The following RFX4 variants were observed in gnomAD, a reference collection of about 807,000 sequenced individuals.
RFX4 encodes the protein regulatory factor X4, also known as transcription factor RFX4.
A neutral mutation model predicts 95.0 loss-of-function variants in RFX4; 10 were observed. That is an observed-to-expected ratio of 0.11 (90% CI 0.06 to 0.18). RFX4 has a LOEUF of 0.18. Among genes scored for constraint, RFX4 ranks in the 10% least tolerant of loss-of-function variants. The pLI, the probability that RFX4 is intolerant of heterozygous loss-of-function variation, is 1.00. For missense variants in RFX4, 640 were observed against 922.0 expected, an observed-to-expected ratio of 0.69 and a Z score of 3.96; for synonymous variants, 321 against 340.7, an observed-to-expected ratio of 0.94 and a Z score of 0.64.
chr12:106,640,842 G>T (rs58874707), intron 3 of RFX4, among the ~76,000 whole-genome samples: 7,596 of 149,518 alleles, frequency 0.051, 363 homozygotes, highest in African/African-American at 0.13. Context: ...GTGCTGTGGC[G>T]TGATTTTGGC....
intron 2 of RFX4, among the ~76,000 whole-genome samples, chr12:106,624,943 T>C (rs1179983672): frequency 6.6e-6 from 1 of 152,156 alleles, no homozygotes; most frequent in East Asian, 1.9e-4. Context: ...TTCAGAGAAG[T>C]CAAGATTCTA....
At chr12:106,626,486 CCACAT>C (rs1431636774) in intron 2 of RFX4, among the ~76,000 whole-genome samples, 6 of 152,144 alleles carry the variant, frequency 3.9e-5, no homozygotes, top group African/African-American at 7.2e-5. Flanking sequence ...TGAGTTTGGG[CCACAT>C]CACTGAGGGA....
chr12:106,711,370 CT>C, intron 9 of RFX4, 82 bp from the exon 10 acceptor site: 1 of 1,316,430 alleles, frequency 7.6e-7, no homozygotes, highest in Non-Finnish European at 1.1e-6. Context: ...AAGCAGGCTA[CT>C]TTTTGAAATG....
At chr12:106,589,602 G>C (rs781359744) in intron 1 of RFX4, among the ~76,000 whole-genome samples, 2 of 152,198 alleles carry the variant, frequency 1.3e-5, no homozygotes, top group Non-Finnish European at 2.9e-5. Context: ...GAGCTAGATT[G>C]GAGAGCAGAC....
intron 3 of RFX4, 30 bp from the exon 4 acceptor site, chr12:106,654,198 T>C: frequency 6.2e-7 from 1 of 1,613,580 alleles, no homozygotes; most frequent in Non-Finnish European, 8.5e-7. Context: ...GGTAACACAT[T>C]TTTTGCTCAT....
chr12:106,725,419 T>A (rs970923065), intron 13 of RFX4, among the ~76,000 whole-genome samples: 1 of 152,212 alleles, frequency 6.6e-6, no homozygotes, highest in Non-Finnish European at 1.5e-5. Flanking sequence ...GAATGTAATT[T>A]AAAAACTAAA....
At position 106,586,885 on chromosome 12, in the gene RFX4, ACTGT is replaced by A. The variant is rs2039465534; in HGVS notation, c.43+3526_43+3529del. Among the ~76,000 whole-genome samples the A allele has an allele frequency of 6.6e-6, 1 of 152,192 alleles. No homozygotes were observed. The highest frequency in any genetic ancestry group is 2.4e-5 in the African/African-American group (1 of 41,448). On this transcript the variant is annotated intron_variant, in intron 1 of 17. Coordinates refer to ENST00000392842, the MANE Select transcript of RFX4 (RefSeq NM_213594.3). The surrounding 1 kb of genome is among the most constrained non-coding windows in gnomAD (Gnocchi z 5.6). ...CAGGCACAGCCCTGGGGAAGGAGCC[ACTGT>A]CTGCGGGCTTGGGAGAGCAAGGAGC...
chr12:106,750,775 C>T lies in RFX4; in HGVS notation c.1917C>T (p.Tyr639=). The T allele has an allele frequency of 6.2e-7, 1 of 1,601,402 alleles. No homozygotes were observed. Among genetic ancestry groups the T allele is most frequent in the Middle Eastern group, 1.7e-4 (1 of 6,008 alleles). Residue 639 remains tyrosine, a synonymous_variant, in exon 17 of 18, where the codon TAC becomes TAT. Transcript: ENST00000392842. Reference sequence around the variant, plus strand: ...CTGGGCCACTCCACTATGCCCCTTACCACAGGAGCTCTGCACAGGTGAGTC... The same window carrying T: ...CTGGGCCACTCCACTATGCCCCTTATCACAGGAGCTCTGCACAGGTGAGTC... ...AISGPLHYAP[Y]HRSSAQYPFN...
chr12:106,583,629 G>T, intron 1 of RFX4: 1 of 350,902 alleles, frequency 2.8e-6, no homozygotes, highest in Non-Finnish European at 5.1e-6. Flanking sequence ...CGCTTGCCCT[G>T]GACACAAAGT....
intron 2 of RFX4, among the ~76,000 whole-genome samples, chr12:106,627,892 G>T (rs779936721): frequency 3.8e-4 from 58 of 152,200 alleles, no homozygotes; most frequent in Admixed American, 5.9e-4. Flanking sequence ...ATAGCAGAAA[G>T]GCGTTCAGGC....
At chr12:106,605,300 T>A (rs2039804888) in intron 1 of RFX4, among the ~76,000 whole-genome samples, 1 of 152,208 alleles carries the variant, frequency 6.6e-6, no homozygotes, top group Non-Finnish European at 1.5e-5. Context: ...TTAAGAATAA[T>A]TTTAAAGTAT....
intron 7 of RFX4, among the ~76,000 whole-genome samples, chr12:106,690,091 C>T (rs2137430721): frequency 6.6e-6 from 1 of 152,166 alleles, no homozygotes; most frequent in Non-Finnish European, 1.5e-5. Flanking sequence ...GAAGGGGGTG[C>T]TGTTGTAGGT....
intron 1 of RFX4, chr12:106,601,237 G>A: frequency 1.9e-6 from 3 of 1,557,454 alleles, no homozygotes; most frequent in Non-Finnish European, 2.6e-6. Flanking sequence ...ACTGCCACCG[G>A]CAGGGAGCCA....
chr12:106,657,845 T>C (rs2040990752), intron 4 of RFX4, among the ~76,000 whole-genome samples: 1 of 152,150 alleles, frequency 6.6e-6, no homozygotes, highest in African/African-American at 2.4e-5. Flanking sequence ...CTTTATAGCA[T>C]TTATCATGAC....
intron 4 of RFX4, among the ~76,000 whole-genome samples, chr12:106,657,184 C>A (rs536299501): frequency 6.6e-6 from 1 of 152,236 alleles, no homozygotes; most frequent in Non-Finnish European, 1.5e-5. Flanking sequence ...GAGATGAAAT[C>A]GTGGACAGTC....
intron 15 of RFX4, among the ~76,000 whole-genome samples, chr12:106,742,190 ATTG>A (rs1012412868): frequency 6.6e-6 from 1 of 151,930 alleles, no homozygotes; most frequent in Non-Finnish European, 1.5e-5. Context: ...TGTTGTTGTT[ATTG>A]TTGTTGTTTT....
intron 4 of RFX4, among the ~76,000 whole-genome samples, chr12:106,667,199 T>G (rs1026021627): frequency 3.9e-5 from 6 of 152,178 alleles, no homozygotes; most frequent in Admixed American, 6.5e-5. Context: ...ATATTTCCCT[T>G]CTTTCACATG....
Position 106,754,402 on chromosome 12 carries a change from A to T in RFX4, c.1935+3609A>T, listed in dbSNP as rs183655530. Among the ~76,000 whole-genome samples the T allele has an allele frequency of 5.4e-4, 82 of 152,348 alleles. 1 individual carries two copies. In the East Asian group the frequency reaches 6.2e-3, roughly 11 times the overall value. On this transcript the variant is annotated intron_variant, in intron 17 of 17. Coordinates refer to ENST00000392842, the MANE Select transcript of RFX4 (RefSeq NM_213594.3). ...TTTCTCAAATGGCTCCTGGGTAACT[A>T]TGTGCAAGCACTGCACTAGCCACTG...
rs1171527246 is a variant in RFX4 at position 106,663,913 on chromosome 12, C to A, written c.315+9562C>A. Among the ~76,000 whole-genome samples, 3 of 151,656 alleles carry A rather than the reference C, an allele frequency of 2.0e-5. No individual in the cohort carries two copies. In the East Asian group the frequency reaches 5.8e-4, roughly 29 times the overall value. On this transcript the variant is annotated intron_variant, in intron 4 of 17. Coordinates refer to ENST00000392842, the MANE Select transcript of RFX4 (RefSeq NM_213594.3). ...CCAGCCTTGTATATCTGGGATAAATCCCACTTGGTTATGGTGTATAATTAC... is the reference window on the plus strand; with the variant it reads ...CCAGCCTTGTATATCTGGGATAAATACCACTTGGTTATGGTGTATAATTAC...
Sources: gnomAD v4.1 joint callset for allele counts (sites outside exome capture counted in the v4.1 genomes callset) on GRCh38, gnomAD v4.1.1 for gene constraint, Gnocchi (gnomAD v3.1) non-coding constraint, MANE v1.5 for transcripts, NCBI Gene and HGNC (gene_info 2026-07-23, HGNC 2026-07-21) for gene names.